The following GNG10 variants were observed in gnomAD, a reference collection of about 807,000 sequenced individuals.
The protein encoded by GNG10 is guanine nucleotide-binding protein G(I)/G(S)/G(O) subunit gamma-10.
In GNG10, 7 loss-of-function variants were observed where a neutral mutation model predicts 6.8. That is an observed-to-expected ratio of 1.02 (90% CI 0.58 to 1.92). GNG10 has a LOEUF of 1.92. Among genes scored for constraint, GNG10 ranks in the 30% most tolerant of loss-of-function variants. The probability of loss-of-function intolerance (pLI) is 0.00; values close to 1 mark genes in which losing one functional copy is unlikely to be tolerated. For missense variants in GNG10, 57 were observed against 86.1 expected (o/e 0.66, Z 1.34); for synonymous variants, 28 against 34.8 (o/e 0.80, Z 0.69).
rs372546622 is a variant in GNG10, at chr9:111,666,821, C to T, written c.88C>T (p.Gln30Ter). ...TGCTGTCCCTTTGTTTCAGGTCTCT[C>T]AGGCAGCTGCAGAGCTTCAACAGTA... ...EAGVERIKVS[Q>*]AAAELQQYCM... Residue 30 changes from glutamine to a stop codon, truncating the protein, a stop_gained, in exon 2 of 3, where the codon CAG (glutamine) becomes TAG (stop). Transcript: ENST00000374293. LOFTEE classifies it high-confidence loss of function. 3.6e-5 allele frequency: 58 copies of T among 1,612,288 alleles called. No homozygotes were observed. In the Middle Eastern group the frequency reaches 5.9e-4, roughly 16 times the overall value.
intron 1 of GNG10, among the ~76,000 whole-genome samples, chr9:111,663,649 G>C (rs1417516265): frequency 6.6e-6 from 1 of 152,104 alleles, no homozygotes; most frequent in East Asian, 1.9e-4. Context: ...TGTTGTAACT[G>C]TATCTGTTGG....
Position 111,661,700 on chromosome 9 carries a change from C to T in GNG10, c.66C>T (p.Gly22=). The T allele has an allele frequency of 2.2e-6, 3 of 1,376,764 alleles. No individual in the cohort carries two copies. Among genetic ancestry groups the T allele is most frequent in the Non-Finnish European group, 1.9e-6 (2 of 1,044,058 alleles). 85.3% of individuals were successfully genotyped at this position (1,376,764 alleles called of 1,614,324 possible). A position where few individuals can be genotyped will look rare whatever the true frequency, so the allele number is the denominator to read the frequency against. Residue 22 remains glycine (G), a synonymous_variant, in exon 1 of 3, where the codon GGC becomes GGT. Coordinates refer to ENST00000374293, the MANE Select transcript of GNG10 (RefSeq NM_001017998.4). This position sits in a 1 kb window ranked among gnomAD's most constrained non-coding sequence, Gnocchi z 6.1. ...TAGAGCAGCTCAAGTTGGAGGCTGG[C>T]GTGGAGAGGATCAAGGTGCGGGCCC... is the stretch of plus-strand genomic sequence containing the variant. ...RLVEQLKLEA[G]VERIKVSQAA...
Position 111,666,824 on chromosome 9 carries a change from G to A in GNG10, c.91G>A (p.Ala31Thr). ...AGVERIKVSQ[A>T]AAELQQYCMQ... ...TGTCCCTTTGTTTCAGGTCTCTCAG[G>A]CAGCTGCAGAGCTTCAACAGTACTG... Residue 31 changes from alanine (A) to threonine (T), a missense_variant, in exon 2 of 3, where the codon GCA becomes ACA. Physicochemically the swap from Ala to Thr is moderately conservative, Grantham distance 58. Coordinates refer to ENST00000374293, the MANE Select transcript of GNG10 (RefSeq NM_001017998.4). The A allele has an allele frequency of 6.2e-7, 1 of 1,612,548 alleles. No homozygotes were observed.
chr9:111,662,415 A>G (rs1417568649), intron 1 of GNG10, among the ~76,000 whole-genome samples: 5 of 152,086 alleles, frequency 3.3e-5, no homozygotes, highest in African/African-American at 1.2e-4. Flanking sequence ...AATAAGAGAC[A>G]GCAAGGTTTC....
Position 111,661,800 on chromosome 9 carries a change from CGGGG to C in GNG10, c.81+87_81+90del. 1 of 759,506 alleles carries C rather than the reference CGGGG, an allele frequency of 1.3e-6. No individual in the cohort carries two copies. Among genetic ancestry groups the C allele is most frequent in the Non-Finnish European group, 1.7e-6 (1 of 575,952 alleles). 47.0% of individuals were successfully genotyped at this position (759,506 alleles called of 1,614,324 possible). A position where few individuals can be genotyped will look rare whatever the true frequency, so the allele number is the denominator to read the frequency against. On this transcript the variant is annotated intron_variant, in intron 1 of 2. Transcript: ENST00000374293. This position sits in a 1 kb window ranked among gnomAD's most constrained non-coding sequence, Gnocchi z 6.1. ...GCCGGCGGCCCGGACCGGGCGCCAG[CGGGG>C]GACTCGGTGGCGGCGGCGAGGCCTC...
intron 1 of GNG10, among the ~76,000 whole-genome samples, chr9:111,662,059 C>G (rs1830829930): frequency 6.6e-6 from 1 of 151,976 alleles, no homozygotes; most frequent in Non-Finnish European, 1.5e-5. Context: ...GGGAGGCCAC[C>G]GCAGGGCGGC....
chr9:111,662,745 G>GTACA (rs1221169553), intron 1 of GNG10, among the ~76,000 whole-genome samples: 5 of 152,204 alleles, frequency 3.3e-5, no homozygotes, highest in Non-Finnish European at 5.9e-5. Flanking sequence ...CATGTACTAA[G>GTACA]TGGAGTGAAG....
At chr9:111,666,314 C>T (rs1015316677) in intron 1 of GNG10, among the ~76,000 whole-genome samples, 4 of 152,124 alleles carry the variant, frequency 2.6e-5, no homozygotes, top group African/African-American at 2.4e-5. Flanking sequence ...TTTGAGTCCA[C>T]GCAGTCTGGT....
intron 2 of GNG10, among the ~76,000 whole-genome samples, chr9:111,668,453 CTTCTTCCCTT>C (rs1589358056): frequency 1.8e-4 from 23 of 126,740 alleles, no homozygotes; most frequent in East Asian, 1.8e-3. Context: ...CCCCTCCCCT[CTTCTTCCCTT>C]CCCTTCCCTC....
At position 111,670,048 on chromosome 9, in the gene GNG10, T is replaced by C. The variant is rs964057394; in HGVS notation, c.*786T>C. 3 of 152,420 alleles carry C rather than the reference T, an allele frequency of 2.0e-5. No homozygotes were observed. The highest frequency in any genetic ancestry group is 7.3e-5 in the African/African-American group (3 of 41,376). 9.4% of individuals were successfully genotyped at this position (152,420 alleles called of 1,614,324 possible). A position where few individuals can be genotyped will look rare whatever the true frequency, so the allele number is the denominator to read the frequency against. On this transcript the variant is annotated 3_prime_UTR_variant, in exon 3 of 3. Coordinates refer to ENST00000374293, the MANE Select transcript of GNG10 (RefSeq NM_001017998.4). ...GTTTAAAATGTGACCCACAGAACATTGTAAATGATTAAAAACTAACATGAA... is the reference window on the plus strand; with the variant it reads ...GTTTAAAATGTGACCCACAGAACATCGTAAATGATTAAAAACTAACATGAA...
chr9:111,662,372 C>A (rs1460503892), intron 1 of GNG10, among the ~76,000 whole-genome samples: 3 of 152,118 alleles, frequency 2.0e-5, no homozygotes, highest in African/African-American at 7.2e-5. Flanking sequence ...CGGGGACCAG[C>A]CACACCGATG....
At chr9:111,667,085 C>G in intron 2 of GNG10, 139 bp downstream of exon 2, 1 of 1,386,126 alleles carries the variant, frequency 7.2e-7, no homozygotes, top group Non-Finnish European at 9.6e-7. Flanking sequence ...ACAACTTTCC[C>G]TGAAGTGTGA....
chr9:111,669,042 A>G (rs1344339259), intron 2 of GNG10, among the ~76,000 whole-genome samples: 1 of 151,834 alleles, frequency 6.6e-6, no homozygotes, highest in African/African-American at 2.4e-5. Flanking sequence ...TATTTTTAGT[A>G]GAGGCAGGGT....
chr9:111,667,993 A>C (rs1217256692), intron 2 of GNG10, among the ~76,000 whole-genome samples: 1 of 152,074 alleles, frequency 6.6e-6, no homozygotes, highest in Non-Finnish European at 1.5e-5. Context: ...AGTAGCTGGG[A>C]TTACAGGCGC....
At position 111,661,712 on chromosome 9, in the gene GNG10, C is replaced by T; in HGVS notation, c.78C>T (p.Ile26=). 2 of 1,364,290 alleles carry T rather than the reference C, an allele frequency of 1.5e-6. No individual in the cohort carries two copies. The highest frequency in any genetic ancestry group is 1.9e-6 in the Non-Finnish European group (2 of 1,037,046). The allele number at this position is 1,364,290 out of a possible 1,614,324, so 84.5% of individuals were successfully genotyped here. The change falls in exon 1 of 3, where the codon ATC becomes ATT. Residue 26 remains isoleucine (I), a synonymous_variant. Transcript: ENST00000374293. This position sits in a 1 kb window ranked among gnomAD's most constrained non-coding sequence, Gnocchi z 6.1. ...AGTTGGAGGCTGGCGTGGAGAGGAT[C>T]AAGGTGCGGGCCCCGGGTACCCACG... ...QLKLEAGVER[I]KVSQAAAELQ...
At chr9:111,665,746 G>A (rs1830885908) in intron 1 of GNG10, among the ~76,000 whole-genome samples, 1 of 151,816 alleles carries the variant, frequency 6.6e-6, no homozygotes, top group South Asian at 2.1e-4. Context: ...GTTTTTTTGA[G>A]ACGGAGTTTT....
intron 2 of GNG10, among the ~76,000 whole-genome samples, chr9:111,667,867 C>G (rs934860240): frequency 1.3e-5 from 2 of 152,012 alleles, no homozygotes; most frequent in Non-Finnish European, 2.9e-5. Flanking sequence ...TGTGTTTCCC[C>G]CCTCATCGCC....
chr9:111,665,361 A>G (rs2131280767), intron 1 of GNG10, among the ~76,000 whole-genome samples: 1 of 152,324 alleles, frequency 6.6e-6, no homozygotes, highest in East Asian at 1.9e-4. Context: ...TTAGTGGCTT[A>G]AAAGATTTAT....
At chr9:111,662,774 G>A (rs1830843298) in intron 1 of GNG10, among the ~76,000 whole-genome samples, 1 of 152,204 alleles carries the variant, frequency 6.6e-6, no homozygotes, top group African/African-American at 2.4e-5. Flanking sequence ...CAGGGTAAAG[G>A]GAGAGAGGGC....
Sources: gnomAD v4.1 joint callset for allele counts (sites outside exome capture counted in the v4.1 genomes callset) on GRCh38, gnomAD v4.1.1 for gene constraint, Gnocchi (gnomAD v3.1) non-coding constraint, MANE v1.5 for transcripts, NCBI Gene and HGNC (gene_info 2026-07-23, HGNC 2026-07-21) for gene names.